The following RUNX1T1 variants were observed in gnomAD, a reference collection of about 807,000 sequenced individuals.
RUNX1T1 encodes the protein RUNX1 partner transcriptional co-repressor 1.
A neutral mutation model predicts 62.8 loss-of-function variants in RUNX1T1; 4 were observed. The observed-to-expected ratio is 0.06, with a 90% CI of 0.03 to 0.15. The LOEUF is 0.15. Among genes scored for constraint, RUNX1T1 ranks in the 10% least tolerant of loss-of-function variants. RUNX1T1 has a pLI of 1.00. For synonymous variants in RUNX1T1, 291 were observed against 286.0 expected, an observed-to-expected ratio of 1.02 and a Z score of -0.18; for missense variants, 508 against 754.3, an observed-to-expected ratio of 0.67 and a Z score of 3.82.
chr8:92,015,009 C>T (rs567534114), intron 2 of RUNX1T1, among the ~76,000 whole-genome samples, 189 bp from the exon 4 acceptor site: 3 of 152,202 alleles, frequency 2.0e-5, no homozygotes, highest in Non-Finnish European at 4.4e-5. Context: ...AATGGGTCTA[C>T]TCCTCATACT....
At chr8:92,004,121 C>T (rs1323775344) in intron 5 of RUNX1T1, among the ~76,000 whole-genome samples, 1 of 152,216 alleles carries the variant, frequency 6.6e-6, no homozygotes, top group African/African-American at 2.4e-5. Flanking sequence ...AAATAGATGT[C>T]TCTGAGCAGC....
chr8:92,012,469 G>A (rs976889911), intron 3 of RUNX1T1, among the ~76,000 whole-genome samples: 3 of 152,022 alleles, frequency 2.0e-5, no homozygotes, highest in Non-Finnish European at 4.4e-5. Flanking sequence ...TCAAGGCTGC[G>A]GTGAGCCTTG....
upstream of RUNX1T1, chr8:92,102,793 A>C: frequency 6.9e-7 from 1 of 1,443,200 alleles, no homozygotes. The surrounding 1 kb of genome is among the most constrained non-coding windows in gnomAD (Gnocchi z 4.5). Context: ...AACAGTAATT[A>C]ATAACAGTCA....
At chr8:92,048,386 A>C (rs891964682) in intron 1 of RUNX1T1, among the ~76,000 whole-genome samples, 2 of 152,154 alleles carry the variant, frequency 1.3e-5, no homozygotes, top group Non-Finnish European at 2.9e-5. Context: ...ATTCCTAAAA[A>C]TATTACAACT....
chr8:92,103,149 G>A (rs924936680), upstream of RUNX1T1: 8 of 380,302 alleles, frequency 2.1e-5, no homozygotes, highest in African/African-American at 1.5e-4. Flanking sequence ...CAAGACTTGC[G>A]GAGCTCTGCT....
At chr8:91,974,958 G>GA in intron 9 of RUNX1T1, among the ~76,000 whole-genome samples, 1 of 152,196 alleles carries the variant, frequency 6.6e-6, no homozygotes, top group South Asian at 2.1e-4. Context: ...ATCCCAAAGA[G>GA]AAATCTTCTG....
intron 9 of RUNX1T1, among the ~76,000 whole-genome samples, chr8:91,971,816 G>A (rs529887930): frequency 3.9e-5 from 6 of 152,110 alleles, no homozygotes; most frequent in African/African-American, 1.2e-4. Flanking sequence ...TTTGGCTGAG[G>A]AAAGGGTGCA....
intron 7 of RUNX1T1, 45 bp from the exon 9 acceptor site, chr8:91,986,370 C>A (rs1816571032): frequency 1.4e-6 from 2 of 1,461,876 alleles, no homozygotes; most frequent in African/African-American, 1.4e-5. Flanking sequence ...TAAATCATCA[C>A]AATTAAAGAT....
At chr8:91,976,274 G>A (rs1459430116) in intron 8 of RUNX1T1, among the ~76,000 whole-genome samples, 1 of 152,128 alleles carries the variant, frequency 6.6e-6, no homozygotes, top group Non-Finnish European at 1.5e-5. Flanking sequence ...TTCTGACTAT[G>A]GAGACTTCTA....
intron 6 of RUNX1T1, among the ~76,000 whole-genome samples, chr8:91,988,913 A>C (rs1406092123): frequency 6.6e-6 from 1 of 152,160 alleles, no homozygotes; most frequent in Non-Finnish European, 1.5e-5. Context: ...TTTAAAAATA[A>C]AAAATAAATC....
chr8:92,058,291 A>C (rs1186835911), intron 1 of RUNX1T1, among the ~76,000 whole-genome samples: 3 of 152,164 alleles, frequency 2.0e-5, no homozygotes, highest in Non-Finnish European at 4.4e-5. Flanking sequence ...GTAGCCTTAC[A>C]TTTTTGGTTC....
At chr8:92,094,710 A>G (rs2130929570) in intron 1 of RUNX1T1, among the ~76,000 whole-genome samples, 2 of 152,234 alleles carry the variant, frequency 1.3e-5, no homozygotes, top group South Asian at 4.2e-4. Context: ...GGTAAACGAA[A>G]CTCCTGTTAA....
At chr8:92,030,565 C>T (rs1826035495) in intron 1 of RUNX1T1, among the ~76,000 whole-genome samples, 2 of 152,300 alleles carry the variant, frequency 1.3e-5, no homozygotes, top group East Asian at 3.9e-4. Context: ...ATCACTTTCT[C>T]ATATTTCAAC....
intron 4 of RUNX1T1, among the ~76,000 whole-genome samples, chr8:92,008,082 A>G (rs1469384744): frequency 6.6e-6 from 1 of 152,102 alleles, no homozygotes; most frequent in Non-Finnish European, 1.5e-5. Context: ...CTGAAACATT[A>G]TATGTAGCAC....
chr8:91,999,843 G>A (rs965701366), intron 5 of RUNX1T1, among the ~76,000 whole-genome samples: 2 of 152,126 alleles, frequency 1.3e-5, no homozygotes, highest in African/African-American at 4.8e-5. Flanking sequence ...ATAAGAATTA[G>A]GAAAGACAGC....
intron 1 of RUNX1T1, among the ~76,000 whole-genome samples, chr8:92,060,553 A>ATATATATATGTGTGTGTGTGTG: frequency 1.4e-3 from 92 of 63,868 alleles, no homozygotes; most frequent in Middle Eastern, 0.01. Flanking sequence ...ATATATATAT[A>ATATATATATGTGTGTGTGTGTG]TGTGTGTGTG....
At chr8:91,975,285 G>A (rs1324166507) in intron 9 of RUNX1T1, among the ~76,000 whole-genome samples, 2 of 152,192 alleles carry the variant, frequency 1.3e-5, no homozygotes, top group African/African-American at 2.4e-5. Context: ...AAAATATAGA[G>A]CAGCATCTTG....
At chr8:91,979,052 T>A (rs1232229120) in intron 8 of RUNX1T1, among the ~76,000 whole-genome samples, 3 of 152,156 alleles carry the variant, frequency 2.0e-5, no homozygotes, top group Non-Finnish European at 2.9e-5. Flanking sequence ...TACAATATCC[T>A]CTCCAGTTCT....
chr8:92,099,610 T>C, exon 1 of RUNX1T1: 1 of 985,316 alleles, frequency 1.0e-6, no homozygotes, highest in Non-Finnish European at 1.2e-6. Flanking sequence ...TGCAACTGAC[T>C]CCGTTTTTTT....
Sources: allele counts gnomAD v4.1 joint callset (sites outside exome capture counted in the v4.1 genomes callset), GRCh38; gene constraint gnomAD v4.1.1; non-coding constraint Gnocchi (gnomAD v3.1); transcripts MANE v1.5; gene names NCBI Gene and HGNC (gene_info 2026-07-23, HGNC 2026-07-21).